The following TRIO variants were observed in gnomAD, a reference collection of about 807,000 sequenced individuals.
The protein encoded by TRIO is trio Rho guanine nucleotide exchange factor, also known as triple functional domain protein.
In TRIO, 58 loss-of-function variants were observed where a neutral mutation model predicts 351.9. That is an observed-to-expected ratio of 0.16 (90% CI 0.13 to 0.21). The LOEUF (loss-of-function observed/expected upper bound fraction) is 0.21. Among genes scored for constraint, TRIO ranks in the 10% least tolerant of loss-of-function variants. TRIO has a pLI of 1.00. For missense variants in TRIO, 3,201 were observed against 4,027.8 expected (o/e 0.79, Z 5.56); for synonymous variants, 1,758 against 1,595.7 (o/e 1.10, Z -2.42).
chr5:14,231,664 G>A (rs1405874708), intron 1 of TRIO, among the ~76,000 whole-genome samples: 1 of 152,000 alleles, frequency 6.6e-6, no homozygotes, highest in African/African-American at 2.4e-5. Context: ...TTAATAATGT[G>A]ATTAGAACAT....
chr5:14,488,948 C>T (rs754694601), intron 48 of TRIO: 10 of 764,058 alleles, frequency 1.3e-5, no homozygotes, highest in Non-Finnish European at 2.2e-5. Context: ...CTCATGCTGC[C>T]GTCTCAAGCA....
chr5:14,309,242 A>G (rs1333587880), intron 8 of TRIO, among the ~76,000 whole-genome samples: 1 of 152,152 alleles, frequency 6.6e-6, no homozygotes, highest in East Asian at 1.9e-4. Context: ...TTGTTAATCT[A>G]TTCTCAGGCA....
At chr5:14,476,345 G>T (rs984016991) in intron 40 of TRIO, among the ~76,000 whole-genome samples, 17 of 152,180 alleles carry the variant, frequency 1.1e-4, no homozygotes, top group African/African-American at 4.1e-4. Flanking sequence ...ACCAGCCAAG[G>T]GATATACAGT....
chr5:14,222,011 G>T (rs1221119617), intron 1 of TRIO, among the ~76,000 whole-genome samples: 1 of 152,052 alleles, frequency 6.6e-6, no homozygotes, highest in Non-Finnish European at 1.5e-5. Context: ...AGAAATTGCC[G>T]CAGCCACCCC....
intron 1 of TRIO, among the ~76,000 whole-genome samples, chr5:14,177,248 G>A (rs1174674348): frequency 6.6e-6 from 1 of 151,662 alleles, no homozygotes; most frequent in African/African-American, 2.4e-5. Flanking sequence ...CCACTTTTAA[G>A]TTTTGCTTTT....
rs76152975 is a variant in TRIO at position 14,174,716 on chromosome 5, C to T, written c.157+30834C>T. Among the ~76,000 whole-genome samples the T allele has an allele frequency of 4.6e-5, 7 of 152,270 alleles. No individual in the cohort carries two copies. In the South Asian group the frequency reaches 6.2e-4, roughly 14 times the overall value. On this transcript the variant is annotated intron_variant, in intron 1 of 56. Coordinates refer to ENST00000344204, the MANE Select transcript of TRIO (RefSeq NM_007118.4). ...TTCCCTCCATAGGTAGAGGTCAGAT[C>T]GCCAAATAAATAATAGTATCTAGAG...
chr5:14,258,459 T>C (rs1795151207), intron 1 of TRIO, among the ~76,000 whole-genome samples: 1 of 152,204 alleles, frequency 6.6e-6, no homozygotes, highest in African/African-American at 2.4e-5. Context: ...TGGAAAACGA[T>C]GTTCCCTGTG....
intron 26 of TRIO, 79 bp downstream of exon 26, chr5:14,390,379 C>T: frequency 7.5e-7 from 1 of 1,337,024 alleles, no homozygotes; most frequent in Non-Finnish European, 1.1e-6. Context: ...GTCTTCATTT[C>T]CTTTAAGTCA....
intron 13 of TRIO, among the ~76,000 whole-genome samples, chr5:14,363,401 T>C (rs1408992294): frequency 6.6e-6 from 1 of 152,216 alleles, no homozygotes; most frequent in Admixed American, 6.5e-5. Context: ...GGAATATTAC[T>C]GGATTTTTGT....
chr5:14,208,528 A>G (rs781569443), intron 1 of TRIO, among the ~76,000 whole-genome samples: 1 of 152,258 alleles, frequency 6.6e-6, no homozygotes, highest in Non-Finnish European at 1.5e-5. Flanking sequence ...GACTGCAAAG[A>G]GTCACAAGGA....
At chr5:14,255,783 A>G (rs1323525381) in intron 1 of TRIO, among the ~76,000 whole-genome samples, 1 of 152,194 alleles carries the variant, frequency 6.6e-6, no homozygotes, top group East Asian at 1.9e-4. Context: ...GACCTGTCAC[A>G]TTAGGTCAGG....
At chr5:14,481,706 T>G in intron 45 of TRIO, 88 bp downstream of exon 45, 3 of 1,361,256 alleles carry the variant, frequency 2.2e-6, no homozygotes, top group Non-Finnish European at 3.1e-6. Flanking sequence ...TAGAGAAAGC[T>G]GATCCTTTTC....
intron 34 of TRIO, among the ~76,000 whole-genome samples, chr5:14,457,702 G>A (rs1309220732): frequency 2.0e-5 from 3 of 152,128 alleles, no homozygotes; most frequent in Non-Finnish European, 4.4e-5. Context: ...GCGTGCAGAG[G>A]CCGCTGGATC....
intron 49 of TRIO, among the ~76,000 whole-genome samples, chr5:14,495,592 C>T (rs996344451): frequency 1.6e-5 from 2 of 121,960 alleles, no homozygotes; most frequent in Admixed American, 1.1e-4. Context: ...GAGGCTGAGG[C>T]GGGTGGATCA....
chr5:14,483,199 T>C (rs975455553), intron 46 of TRIO, among the ~76,000 whole-genome samples: 7 of 152,216 alleles, frequency 4.6e-5, no homozygotes, highest in South Asian at 4.1e-4. Context: ...GCTCCAGGAA[T>C]GGCCCAGCTG....
intron 21 of TRIO, among the ~76,000 whole-genome samples, chr5:14,384,798 T>A (rs1579495993): frequency 6.6e-6 from 1 of 152,114 alleles, no homozygotes. Context: ...TGTAAAACTT[T>A]ACACAAGACA....
chr5:14,323,534 G>GT (rs1246181745), intron 9 of TRIO, among the ~76,000 whole-genome samples: 1 of 116,846 alleles, frequency 8.6e-6, no homozygotes, highest in African/African-American at 3.3e-5. Context: ...AGAGAGAGGA[G>GT]TTTAGTCCTT....
chr5:14,482,665 C>T lies in TRIO; in HGVS notation c.6549C>T (p.Cys2183=). 6.2e-7 allele frequency: 1 copy of T among 1,610,248 alleles called. No individual in the cohort carries two copies. Among genetic ancestry groups the T allele is most frequent in the African/African-American group, 1.3e-5 (1 of 74,924 alleles). Residue 2183 remains cysteine, a synonymous_variant, in exon 46 of 57, where the codon TGC becomes TGT. Coordinates refer to ENST00000344204, the MANE Select transcript of TRIO (RefSeq NM_007118.4). ...TDQDAGLLPR[C]RERRIFLFEQ... Reference sequence around the variant, plus strand: ...AAGATGCAGGACTTCTGCCTCGCTGCAGAGAGAGGCGCATCTTCCTCTTTG... The same window carrying T: ...AAGATGCAGGACTTCTGCCTCGCTGTAGAGAGAGGCGCATCTTCCTCTTTG...
At chr5:14,213,838 A>T (rs1467968133) in intron 1 of TRIO, among the ~76,000 whole-genome samples, 2 of 152,202 alleles carry the variant, frequency 1.3e-5, no homozygotes, top group African/African-American at 4.8e-5. Flanking sequence ...CCAGGGATTC[A>T]TCCTTCATTC....
Sources: allele counts gnomAD v4.1 joint callset (sites outside exome capture counted in the v4.1 genomes callset), GRCh38; gene constraint gnomAD v4.1.1; transcripts MANE v1.5; gene names NCBI Gene and HGNC (gene_info 2026-07-23, HGNC 2026-07-21).